The following IGSF10 variants were observed in gnomAD, a reference collection of about 807,000 sequenced individuals.
IGSF10 encodes calvaria mechanical force protein 608.
A neutral mutation model predicts 128.2 loss-of-function variants in IGSF10; 126 were observed. The observed-to-expected ratio is 0.98, with a 90% CI of 0.85 to 1.14. IGSF10 has a LOEUF of 1.14. IGSF10 is among the 50% of genes most tolerant of loss of function. The pLI is 0.00. For missense variants in IGSF10, 3,295 were observed against 3,149.8 expected, an observed-to-expected ratio of 1.05 and a Z score of -1.10; for synonymous variants, 1,185 against 1,146.2, an observed-to-expected ratio of 1.03 and a Z score of -0.68.
the IGSF10 span, among the ~76,000 whole-genome samples, chr3:151,539,782 A>G: frequency 2.7e-5 from 4 of 147,924 alleles, 1 homozygote; most frequent in Non-Finnish European, 5.9e-5. Flanking sequence ...CTATCTATCT[A>G]TCTATCTATC....
the IGSF10 span, among the ~76,000 whole-genome samples, chr3:151,537,497 T>A: frequency 6.6e-6 from 1 of 152,190 alleles, no homozygotes; most frequent in African/African-American, 2.4e-5. Context: ...CAAAGCCAAT[T>A]GTTCTACCAT....
At chr3:151,593,381 G>A in the IGSF10 span, among the ~76,000 whole-genome samples, 1 of 152,086 alleles carries the variant, frequency 6.6e-6, no homozygotes, top group South Asian at 2.1e-4. Flanking sequence ...CAAAGTGCTG[G>A]GATTACAGGC....
the IGSF10 span, among the ~76,000 whole-genome samples, chr3:151,520,547 A>G: frequency 3.3e-5 from 5 of 151,988 alleles, no homozygotes. Context: ...CTGAAACCCT[A>G]CAAGCCAGAA....
chr3:151,508,350 A>G, the IGSF10 span, among the ~76,000 whole-genome samples: 1 of 152,166 alleles, frequency 6.6e-6, no homozygotes, highest in Non-Finnish European at 1.5e-5. Flanking sequence ...ATACACTAAT[A>G]TAAAAATAAA....
At position 151,448,543 on chromosome 3, in the gene IGSF10, T is replaced by G. The variant is rs778683146; in HGVS notation, c.1438A>C (p.Asn480His). 8.7e-6 allele frequency: 14 copies of G among 1,614,242 alleles called. No homozygotes were observed. The highest frequency in any genetic ancestry group is 9.3e-6 in the Non-Finnish European group (11 of 1,180,052). ...HKWTMISRDN[N>H]TKLEHTVLVG... ...AAGACAGTATGTTCCAGCTTAGTAT[T>G]GTTATCCCTTGAAATCATAGTCCAT... is the stretch of plus-strand genomic sequence containing the variant. The change falls in exon 6 of 8, where the codon AAT becomes CAT. Residue 480 changes from asparagine to histidine, a missense_variant. Transcript: ENST00000282466.
At chr3:151,478,789 A>AG in the IGSF10 span, among the ~76,000 whole-genome samples, 1 of 152,238 alleles carries the variant, frequency 6.6e-6, no homozygotes, top group African/African-American at 2.4e-5. Flanking sequence ...GGACTAAAAA[A>AG]AAGAGTGTGA....
chr3:151,499,192 A>C, the IGSF10 span, among the ~76,000 whole-genome samples: 1 of 152,172 alleles, frequency 6.6e-6, no homozygotes, highest in East Asian at 1.9e-4. Context: ...CATTGGCAAC[A>C]AAAAGCATTA....
chr3:151,549,395 T>C, the IGSF10 span, among the ~76,000 whole-genome samples: 3 of 152,232 alleles, frequency 2.0e-5, no homozygotes, highest in Non-Finnish European at 2.9e-5. Flanking sequence ...GTTGTTTAGC[T>C]GCATGGACTT....
At chr3:151,434,468 CA>C (rs1345620994), downstream of IGSF10, 4 of 152,102 alleles carry the variant, frequency 2.6e-5, no homozygotes, top group African/African-American at 9.7e-5. Flanking sequence ...AAGACTTTGC[CA>C]AAACATTAAA....
chr3:151,447,433 T>C lies in IGSF10; in HGVS notation c.2548A>G (p.Ile850Val), dbSNP rs760782440. The change falls in exon 6 of 8, where the codon ATA (isoleucine) becomes GTA (valine). Residue 850 changes from isoleucine (I) to valine (V), a missense_variant. Coordinates refer to ENST00000282466, the MANE Select transcript of IGSF10 (RefSeq NM_178822.5). ...TCTGTGGGTTCTTCAGGTGGTAGTATTTGTGAATTCACAACAGGAGAGAAT... is the reference window on the plus strand; with the variant it reads ...TCTGTGGGTTCTTCAGGTGGTAGTACTTGTGAATTCACAACAGGAGAGAAT... ...TEFSPVVNSQ[I>V]LPPEEPTDFK... is the part of the protein sequence containing the mutation. The C allele has an allele frequency of 1.9e-6, 3 of 1,614,160 alleles. No homozygotes were observed. Among genetic ancestry groups the C allele is most frequent in the Non-Finnish European group, 1.7e-6 (2 of 1,179,962 alleles).
chr3:151,446,012 A>G lies in IGSF10; in HGVS notation c.3969T>C (p.Pro1323=). ...STQTAIPATT[P]TFPASVITYE... is the part of the protein sequence containing the mutation. ...AAGTGATGACAGATGCAGGGAAGGT[A>G]GGAGTTGTTGCTGGTATTGCTGTTT... The change falls in exon 6 of 8, where the codon CCT becomes CCC. Residue 1323 remains proline (P), a synonymous_variant. Transcript: ENST00000282466. 6.2e-7 allele frequency: 1 copy of G among 1,613,736 alleles called. No individual in the cohort carries two copies. The highest frequency in any genetic ancestry group is 8.5e-7 in the Non-Finnish European group (1 of 1,180,030).
At chr3:151,523,131 T>C in the IGSF10 span, among the ~76,000 whole-genome samples, 3 of 151,934 alleles carry the variant, frequency 2.0e-5, no homozygotes, top group East Asian at 1.9e-4. Flanking sequence ...GTTTCTACAA[T>C]GAGAATTACA....
At chr3:151,613,908 A>C in the IGSF10 span, among the ~76,000 whole-genome samples, 2 of 140,940 alleles carry the variant, frequency 1.4e-5, no homozygotes, top group African/African-American at 2.7e-5. Flanking sequence ...ATGGGAGAAA[A>C]TTTTTGCAAC....
At chr3:151,569,220 C>T in the IGSF10 span, among the ~76,000 whole-genome samples, 33 of 152,110 alleles carry the variant, frequency 2.2e-4, no homozygotes, top group African/African-American at 7.7e-4. Context: ...TACAGGTATG[C>T]GCTACCACAT....
Position 151,437,255 on chromosome 3 carries a change from T to C in IGSF10, c.7306A>G (p.Thr2436Ala), listed in dbSNP as rs762262818. 5 of 1,614,080 alleles carry C rather than the reference T, an allele frequency of 3.1e-6. No homozygotes were observed. The highest frequency in any genetic ancestry group is 4.2e-6 in the Non-Finnish European group (5 of 1,180,036). ...LEIGQKPVIL[T>A]YAPGTVKGIS... Reference sequence around the variant, plus strand: ...CCTTTTACTGTCCCTGGTGCATAGGTAAGAATAACTGGCTTCTGGCCAATT... The same window carrying C: ...CCTTTTACTGTCCCTGGTGCATAGGCAAGAATAACTGGCTTCTGGCCAATT... Residue 2436 changes from threonine to alanine, a missense_variant, in exon 8 of 8, where the codon ACC becomes GCC. Transcript: ENST00000282466.
At chr3:151,517,882 G>T in the IGSF10 span, among the ~76,000 whole-genome samples, 3 of 151,864 alleles carry the variant, frequency 2.0e-5, no homozygotes, top group African/African-American at 7.2e-5. Flanking sequence ...CCAGCATAAG[G>T]AGGTACCCTC....
chr3:151,458,188 TATG>T (rs1721890243), intron 3 of IGSF10, among the ~76,000 whole-genome samples: 2 of 152,092 alleles, frequency 1.3e-5, no homozygotes, highest in African/African-American at 4.8e-5. Flanking sequence ...TGTCATCTCT[TATG>T]ATGAATGATC....
At position 151,436,440 on chromosome 3, in the gene IGSF10, T is replaced by TTTG. The variant is rs1291712130; in HGVS notation, c.*246_*248dup. 5 of 357,726 alleles carry TTTG rather than the reference T, an allele frequency of 1.4e-5. No individual in the cohort carries two copies. The Admixed American group carries it at 2.2e-4, about 16-fold the overall frequency. 22.2% of individuals were successfully genotyped at this position (357,726 alleles called of 1,614,324 possible). ...TATTTTATAGTGAACCGTTTCAATGTTTGTTTATTGTTATTTGTTGGCAAA... is the reference window on the plus strand; with the variant it reads ...TATTTTATAGTGAACCGTTTCAATGTTTGTTGTTTATTGTTATTTGTTGGCAAA... On this transcript the variant is annotated 3_prime_UTR_variant, in exon 8 of 8. Coordinates refer to ENST00000282466, the MANE Select transcript of IGSF10 (RefSeq NM_178822.5).
chr3:151,497,701 C>T, the IGSF10 span, among the ~76,000 whole-genome samples: 1 of 151,934 alleles, frequency 6.6e-6, no homozygotes, highest in African/African-American at 2.4e-5. Flanking sequence ...AGTTTTTTTC[C>T]AATTTTTTGA....
Sources: gnomAD v4.1 joint callset for allele counts (sites outside exome capture counted in the v4.1 genomes callset) on GRCh38, gnomAD v4.1.1 for gene constraint, MANE v1.5 for transcripts, NCBI Gene and HGNC (gene_info 2026-07-23, HGNC 2026-07-21) for gene names.